The following BLK variants were observed in gnomAD, a reference collection of about 807,000 sequenced individuals.
BLK encodes BLK proto-oncogene, Src family tyrosine kinase.
In BLK, 64 loss-of-function variants were observed where a neutral mutation model predicts 61.8. The observed-to-expected ratio is 1.03, with a 90% CI of 0.85 to 1.27. The LOEUF (loss-of-function observed/expected upper bound fraction) is 1.27, where lower values mean the gene tolerates loss of function less well. Among genes scored for constraint, BLK ranks in the 50% most tolerant of loss-of-function variants. The probability of loss-of-function intolerance (pLI) is 0.00; values close to 1 mark genes in which losing one functional copy is unlikely to be tolerated. For synonymous variants in BLK, 351 were observed against 272.0 expected, an observed-to-expected ratio of 1.29 and a Z score of -2.86; for missense variants, 853 against 660.5, an observed-to-expected ratio of 1.29 and a Z score of -3.19.
At chr8:11,536,483 T>C (rs62489137) in intron 1 of BLK, among the ~76,000 whole-genome samples, 3 of 152,136 alleles carry the variant, frequency 2.0e-5, no homozygotes, top group Admixed American at 1.3e-4. Flanking sequence ...CTCCACCTCC[T>C]GGTTTCAAGC....
intron 1 of BLK, among the ~76,000 whole-genome samples, chr8:11,507,979 T>C (rs902479247): frequency 6.6e-6 from 1 of 152,144 alleles, no homozygotes; most frequent in African/African-American, 2.4e-5. Flanking sequence ...TGGCTCTGTG[T>C]GGCACATCAG....
intron 1 of BLK, among the ~76,000 whole-genome samples, chr8:11,514,608 C>T (rs1002936115): frequency 6.6e-6 from 1 of 152,178 alleles, no homozygotes; most frequent in Non-Finnish European, 1.5e-5. Context: ...CACTGTGGGC[C>T]TTCTCCATCC....
At chr8:11,540,569 A>G (rs1425078316) in intron 1 of BLK, among the ~76,000 whole-genome samples, 1 of 152,204 alleles carries the variant, frequency 6.6e-6, no homozygotes, top group African/African-American at 2.4e-5. Context: ...AAACATCACA[A>G]TCAAAAAAGA....
chr8:11,559,536 C>A (rs115058397), intron 10 of BLK, among the ~76,000 whole-genome samples: 1 of 152,074 alleles, frequency 6.6e-6, no homozygotes, highest in Non-Finnish European at 1.5e-5. Context: ...CACACAAACA[C>A]GCAAACTTAC....
chr8:11,507,654 G>A (rs759245754), intron 1 of BLK, among the ~76,000 whole-genome samples: 21 of 152,202 alleles, frequency 1.4e-4, no homozygotes, highest in Non-Finnish European at 2.5e-4. Context: ...CAGCTTGGGG[G>A]TTTGGGGGTT....
In BLK at chr8:11,550,324, G is replaced by A. The variant is rs1317353749; in HGVS notation, c.472+62G>A. 1.2e-5 allele frequency: 18 copies of A among 1,514,806 alleles called. No homozygotes were observed. The South Asian group carries it at 1.5e-4, about 12-fold the overall frequency. The allele number at this position is 1,514,806 out of a possible 1,614,324, so 93.8% of individuals were successfully genotyped here. ...CTCCTCCCGGGAAGGCGCCTCCAGA[G>A]GCCTGGCCCTGGAGTGAGAGGGGAA... On this transcript the variant is annotated intron_variant, in intron 6 of 12. Coordinates refer to ENST00000259089, the MANE Select transcript of BLK (RefSeq NM_001715.3).
At chr8:11,542,146 A>G (rs1321122133) in intron 1 of BLK, among the ~76,000 whole-genome samples, 2 of 152,218 alleles carry the variant, frequency 1.3e-5, no homozygotes, top group Non-Finnish European at 2.9e-5. Context: ...GTTTCACTTA[A>G]TCGAAGACGC....
intron 1 of BLK, among the ~76,000 whole-genome samples, chr8:11,533,206 T>C (rs1318943782): frequency 6.6e-6 from 1 of 152,212 alleles, no homozygotes; most frequent in African/African-American, 2.4e-5. Context: ...GTAATTACAA[T>C]CAACCCAAGC....
intron 3 of BLK, 46 bp downstream of exon 3, chr8:11,546,149 C>T (rs1198499412): frequency 6.9e-6 from 11 of 1,605,292 alleles, no homozygotes; most frequent in Non-Finnish European, 9.4e-6. Flanking sequence ...GCCCTCTCCC[C>T]TAGGTGGCAG....
At chr8:11,510,231 C>T (rs1374303992) in intron 1 of BLK, among the ~76,000 whole-genome samples, 3 of 152,164 alleles carry the variant, frequency 2.0e-5, no homozygotes, top group African/African-American at 7.2e-5. Context: ...GTGGGGTAAG[C>T]TTTAAATTGC....
chr8:11,556,952 G>A, intron 9 of BLK, 115 bp downstream of exon 9: 1 of 1,127,804 alleles, frequency 8.9e-7, no homozygotes, highest in Non-Finnish European at 1.3e-6. Context: ...GCAGATCTAG[G>A]GCATGGCACG....
At chr8:11,518,003 G>T (rs762682870) in intron 1 of BLK, among the ~76,000 whole-genome samples, 1 of 152,230 alleles carries the variant, frequency 6.6e-6, no homozygotes, top group Non-Finnish European at 1.5e-5. Context: ...AGCTGGCTTT[G>T]CTTTGACCTC....
At chr8:11,524,487 C>T (rs1053400170) in intron 1 of BLK, among the ~76,000 whole-genome samples, 1 of 152,090 alleles carries the variant, frequency 6.6e-6, no homozygotes. Context: ...GAATAATAAC[C>T]CTTGTTTAAG....
At chr8:11,498,392 A>G (rs1319499404) in intron 1 of BLK, among the ~76,000 whole-genome samples, 2 of 152,172 alleles carry the variant, frequency 1.3e-5, no homozygotes, top group Non-Finnish European at 2.9e-5. Context: ...ACTTGTAAAC[A>G]AGCTTTTGTG....
rs199657374 is a variant in BLK, at chr8:11,517,799, T to C, written c.-2+23208T>C. 5.9e-5 allele frequency among the ~76,000 whole-genome samples: 9 copies of C among 152,252 alleles called. No individual in the cohort carries two copies. The East Asian group carries it at 9.7e-4, about 16-fold the overall frequency. The stretch of plus-strand genomic sequence containing the variant: ...GCAGCCCTGGTGCTGCAGGCCAAGC[T>C]CTTGGTCCTGTCACAGGGAGAAAGT... On this transcript the variant is annotated intron_variant, in intron 1 of 12. Transcript: ENST00000259089.
At chr8:11,505,226 C>G (rs1026696590) in intron 1 of BLK, among the ~76,000 whole-genome samples, 1 of 152,164 alleles carries the variant, frequency 6.6e-6, no homozygotes, top group African/African-American at 2.4e-5. Context: ...TTTCCTAAAC[C>G]TCATCTATTT....
intron 10 of BLK, chr8:11,558,918 G>T: frequency 2.2e-6 from 1 of 455,756 alleles, no homozygotes; most frequent in South Asian, 1.5e-5. Context: ...TTACCCAGTA[G>T]CGCCGCTGCA....
chr8:11,546,139 G>A (rs1259949402), intron 3 of BLK, 36 bp downstream of exon 3: 1 of 1,611,360 alleles, frequency 6.2e-7, no homozygotes, highest in East Asian at 2.2e-5. Context: ...AGGCTCCACA[G>A]CCCTCTCCCC....
At chr8:11,550,056 G>A in intron 5 of BLK, 103 bp from the exon 6 acceptor site, 1 of 1,084,200 alleles carries the variant, frequency 9.2e-7, no homozygotes, top group East Asian at 2.4e-5. Context: ...AGAAATGCTA[G>A]ATTTTTATTT....
Sources: gnomAD v4.1 joint callset for allele counts (sites outside exome capture counted in the v4.1 genomes callset) on GRCh38, gnomAD v4.1.1 for gene constraint, MANE v1.5 for transcripts, NCBI Gene and HGNC (gene_info 2026-07-23, HGNC 2026-07-21) for gene names.